The following CNTNAP3 variants were observed in gnomAD, a reference collection of about 807,000 sequenced individuals.
The protein encoded by CNTNAP3 is contactin associated protein family member 3, also known as contactin-associated protein-like 3.
A neutral mutation model predicts 92.1 loss-of-function variants in CNTNAP3; 36 were observed. That is an observed-to-expected ratio of 0.39 (90% CI 0.30 to 0.52). The LOEUF (loss-of-function observed/expected upper bound fraction) is 0.52. Among genes scored for constraint, CNTNAP3 ranks in the 20% least tolerant of loss-of-function variants. The probability of loss-of-function intolerance (pLI) is 0.76; values close to 1 mark genes in which losing one functional copy is unlikely to be tolerated. For synonymous variants in CNTNAP3, 232 were observed against 422.3 expected (o/e 0.55, Z 5.53); for missense variants, 534 against 1,069.6 (o/e 0.50, Z 6.98).
At chr9:39,140,266 T>G (rs866247666) in intron 12 of CNTNAP3, among the ~76,000 whole-genome samples, 1 of 152,156 alleles carries the variant, frequency 6.6e-6, no homozygotes, top group African/African-American at 2.4e-5. Context: ...ATGATGCACA[T>G]GAACAGATGT....
chr9:39,168,085 C>T (rs188077362), intron 8 of CNTNAP3, among the ~76,000 whole-genome samples: 3,399 of 137,146 alleles, frequency 0.025, 158 homozygotes, highest in African/African-American at 0.087. Context: ...GGTGCCATCT[C>T]GGTTCACTGC....
At chr9:39,256,798 A>AAAAGAG (rs778562045) in intron 2 of CNTNAP3, among the ~76,000 whole-genome samples, 1 of 2,188 alleles carries the variant, frequency 4.6e-4, no homozygotes, top group African/African-American at 4.9e-4. Context: ...CTGTGTTTCA[A>AAAAGAG]AAAGAGAAAG....
intron 20 of CNTNAP3, 195 bp from the exon 21 acceptor site, chr9:39,086,018 T>C (rs913662062): frequency 1.5e-6 from 1 of 654,922 alleles, no homozygotes; most frequent in East Asian, 2.8e-5. Context: ...TATGATGCCA[T>C]CAGCTACCAC....
chr9:39,114,190 C>T (rs922520105), intron 14 of CNTNAP3, among the ~76,000 whole-genome samples: 5 of 150,436 alleles, frequency 3.3e-5, no homozygotes, highest in African/African-American at 9.8e-5. Context: ...TCACGCCATT[C>T]TCCTGCCTCA....
At position 39,124,608 on chromosome 9, in the gene CNTNAP3, C is replaced by T. The variant is rs1821112725; in HGVS notation, c.2081-6349G>A. Among the ~76,000 whole-genome samples the T allele has an allele frequency of 2.0e-5, 3 of 152,070 alleles. No homozygotes were observed. The South Asian group carries it at 6.2e-4, about 32-fold the overall frequency. On this transcript the variant is annotated intron_variant, in intron 13 of 23. Coordinates refer to ENST00000297668, the MANE Select transcript of CNTNAP3 (RefSeq NM_033655.5). ...AATGGGAGAAAATTTTTGAAATCTA[C>T]CCATCTGACAAAGGGCTAATATCCA...
rs574155185 is a variant in CNTNAP3, at chr9:39,123,824, T to C, written c.2081-5565A>G. Among the ~76,000 whole-genome samples the C allele has an allele frequency of 2.8e-4, 42 of 151,772 alleles. 1 individual carries two copies. In the South Asian group the frequency reaches 8.1e-3, roughly 29 times the overall value. On this transcript the variant is annotated intron_variant, in intron 13 of 23. Coordinates refer to ENST00000297668, the MANE Select transcript of CNTNAP3 (RefSeq NM_033655.5). ...GAAAACACACACTAATATAAAATTC[T>C]ATATCCAGTAAAATTATCCTAAATA... is the stretch of plus-strand genomic sequence containing the variant.
intron 12 of CNTNAP3, among the ~76,000 whole-genome samples, chr9:39,137,741 C>T (rs1427775871): frequency 6.6e-6 from 1 of 152,144 alleles, no homozygotes; most frequent in Admixed American, 6.5e-5. Flanking sequence ...GTCTCGATCT[C>T]CTGACCTCGT....
rs773258627 is a variant in CNTNAP3 at position 39,149,801 on chromosome 9, C to T, written c.1649+5G>A. 7 of 1,576,762 alleles carry T rather than the reference C, an allele frequency of 4.4e-6. No individual in the cohort carries two copies. The South Asian group carries it at 7.9e-5, about 18-fold the overall frequency. The stretch of plus-strand genomic sequence containing the variant: ...CAAGCTAAAGTGACCTAGGATGGCC[C>T]TTACCTGTCTGTGATGCCGCAGGAG... On this transcript the variant is annotated splice_donor_5th_base_variant and intron_variant, in intron 10 of 23. Coordinates refer to ENST00000297668, the MANE Select transcript of CNTNAP3 (RefSeq NM_033655.5).
At chr9:39,080,907 T>C (rs1825917445) in intron 21 of CNTNAP3, among the ~76,000 whole-genome samples, 1 of 139,480 alleles carries the variant, frequency 7.2e-6, no homozygotes, top group Non-Finnish European at 1.6e-5. Flanking sequence ...CCTTGTGATC[T>C]GCCCACCTCG....
At chr9:39,131,691 C>T (rs10974159) in intron 13 of CNTNAP3, among the ~76,000 whole-genome samples, 1 of 151,968 alleles carries the variant, frequency 6.6e-6, no homozygotes, top group Non-Finnish European at 1.5e-5. Flanking sequence ...CCGGGCATGG[C>T]GGCACCCGCC....
chr9:39,209,361 A>C (rs1222846821), intron 3 of CNTNAP3, among the ~76,000 whole-genome samples: 1 of 19,552 alleles, frequency 5.1e-5, no homozygotes, highest in Non-Finnish European at 1.1e-4. Context: ...GTAAAGTGTC[A>C]ATAATAAGAA....
chr9:39,109,012 C>T (rs536647773), intron 15 of CNTNAP3, 148 bp downstream of exon 15: 642 of 1,266,968 alleles, frequency 5.1e-4, no homozygotes, highest in Middle Eastern at 8.6e-4. Context: ...ACTGACTGTG[C>T]CTTTATGGTA....
At chr9:39,148,619 C>G (rs542308835) in intron 10 of CNTNAP3, among the ~76,000 whole-genome samples, 1 of 151,508 alleles carries the variant, frequency 6.6e-6, no homozygotes, top group Non-Finnish European at 1.5e-5. Context: ...TCCGCCTCCA[C>G]GGTTCACGCC....
chr9:39,159,544 C>T (rs1254085235), intron 9 of CNTNAP3: 1 of 133,454 alleles, frequency 7.5e-6, no homozygotes, highest in African/African-American at 2.9e-5. Context: ...GTTAGCCAGG[C>T]TCGTCTTCAA....
chr9:39,131,718 C>T lies in CNTNAP3; in HGVS notation c.2080+1214G>A, dbSNP rs535351087. Reference sequence around the variant, plus strand: ...GCACCCGCCTGTATTCTCAGCTATTCGGGAGGCTGAGGCAGGAGAATCGCT... The same window carrying T: ...GCACCCGCCTGTATTCTCAGCTATTTGGGAGGCTGAGGCAGGAGAATCGCT... On this transcript the variant is annotated intron_variant, in intron 13 of 23. Transcript: ENST00000297668. 6.0e-4 allele frequency among the ~76,000 whole-genome samples: 92 copies of T among 152,252 alleles called. No individual in the cohort carries two copies. In the South Asian group the frequency reaches 0.018, roughly 31 times the overall value.
Position 39,126,764 on chromosome 9 carries a change from C to T in CNTNAP3, c.2080+6168G>A, listed in dbSNP as rs1036192011. Reference sequence around the variant, plus strand: ...TATAAAGCCTATTAATATAAGAAAACTGATGGAGCAGAATGGAAAAATAAA... The same window carrying T: ...TATAAAGCCTATTAATATAAGAAAATTGATGGAGCAGAATGGAAAAATAAA... On this transcript the variant is annotated intron_variant, in intron 13 of 23. Transcript: ENST00000297668. Among the ~76,000 whole-genome samples the T allele has an allele frequency of 1.6e-3, 239 of 151,754 alleles. 1 individual carries two copies. The highest frequency in any genetic ancestry group is 5.5e-3 in the African/African-American group (226 of 41,396).
At chr9:39,076,658 T>C (rs903440029) in intron 23 of CNTNAP3, among the ~76,000 whole-genome samples, 5 of 152,290 alleles carry the variant, frequency 3.3e-5, no homozygotes, top group African/African-American at 1.2e-4. Flanking sequence ...GTCTGCAGAA[T>C]AAGAATACAA....
intron 12 of CNTNAP3, among the ~76,000 whole-genome samples, chr9:39,133,685 T>G (rs1321319459): frequency 2.0e-5 from 3 of 152,052 alleles, no homozygotes; most frequent in Non-Finnish European, 2.9e-5. Flanking sequence ...AACAGCACTT[T>G]CCAGGCGGTG....
intron 18 of CNTNAP3, among the ~76,000 whole-genome samples, chr9:39,098,679 T>G (rs934206411): frequency 2.6e-5 from 4 of 152,172 alleles, no homozygotes; most frequent in South Asian, 2.1e-4. Flanking sequence ...TGAGATTTGT[T>G]AGCACAGAGA....
Sources: allele counts gnomAD v4.1 joint callset (sites outside exome capture counted in the v4.1 genomes callset), GRCh38; gene constraint gnomAD v4.1.1; transcripts MANE v1.5; gene names NCBI Gene and HGNC (gene_info 2026-07-23, HGNC 2026-07-21).